The following IGF1 variants were observed in gnomAD, a reference collection of about 807,000 sequenced individuals.
IGF1 encodes insulin like growth factor 1, also known as insulin-like growth factor 1.
IGF1 carries 4 observed loss-of-function variants against 13.8 expected under a neutral mutation model. That is an observed-to-expected ratio of 0.29 (90% confidence interval 0.14 to 0.66). IGF1 has a LOEUF of 0.66. IGF1 is among the 30% of genes least tolerant of loss of function. The pLI, the probability that IGF1 is intolerant of heterozygous loss-of-function variation, is 0.78. For missense variants in IGF1, 124 were observed against 188.5 expected (o/e 0.66, Z 2.00); for synonymous variants, 76 against 72.6 (o/e 1.05, Z -0.23).
chr12:102,453,619 C>G (rs547947868), intron 2 of IGF1, among the ~76,000 whole-genome samples: 2 of 152,258 alleles, frequency 1.3e-5, no homozygotes, highest in Non-Finnish European at 2.9e-5. Context: ...AGATAAGTTT[C>G]TCTTATGATG....
intron 2 of IGF1, among the ~76,000 whole-genome samples, chr12:102,459,965 T>G (rs944365643): frequency 1.3e-5 from 2 of 152,156 alleles, no homozygotes; most frequent in Admixed American, 1.3e-4. Flanking sequence ...AGATCTTGCA[T>G]ATTTGGAGCA....
chr12:102,458,791 C>G (rs2137189431), intron 2 of IGF1, among the ~76,000 whole-genome samples: 1 of 145,716 alleles, frequency 6.9e-6, no homozygotes, highest in East Asian at 2.1e-4. Flanking sequence ...GCTTCTCTCT[C>G]TCAGAGGAAA....
chr12:102,402,406 A>G lies in IGF1; in HGVS notation c.*101T>C, dbSNP rs1873756969. On this transcript the variant is annotated 3_prime_UTR_variant, in exon 4 of 4. Coordinates refer to ENST00000337514, the MANE Select transcript of IGF1 (RefSeq NM_000618.5). The stretch of plus-strand genomic sequence containing the variant: ...AACGCCCATCTTTTAAATGTTATCA[A>G]ACTTATTTTTTGGTAGGTGTTCCAA... 1.3e-6 allele frequency: 1 copy of G among 777,782 alleles called. No individual in the cohort carries two copies. Among genetic ancestry groups the G allele is most frequent in the South Asian group, 1.3e-5 (1 of 74,204 alleles). 48.2% of individuals were successfully genotyped at this position (777,782 alleles called of 1,614,324 possible).
intron 2 of IGF1, among the ~76,000 whole-genome samples, chr12:102,437,750 A>C (rs1877370788): frequency 6.6e-6 from 1 of 152,232 alleles, no homozygotes; most frequent in South Asian, 2.1e-4. Flanking sequence ...GTATATTTCA[A>C]AATAGCTAAA....
rs1054346238 is a variant in IGF1, at chr12:102,435,095, A to G, written c.221-15405T>C. Among the ~76,000 whole-genome samples the G allele has an allele frequency of 6.6e-5, 10 of 152,354 alleles. 1 individual carries two copies. In the South Asian group the frequency reaches 2.1e-3, roughly 32 times the overall value. On this transcript the variant is annotated intron_variant, in intron 2 of 3. Coordinates refer to ENST00000337514, the MANE Select transcript of IGF1 (RefSeq NM_000618.5). Reference sequence around the variant, plus strand: ...TAGAATTTACATTATATTAGATGTTATAAGTGATCCAGAGATGATTTTAAA... The same window carrying G: ...TAGAATTTACATTATATTAGATGTTGTAAGTGATCCAGAGATGATTTTAAA...
chr12:102,440,231 G>T (rs1265698108), intron 2 of IGF1, among the ~76,000 whole-genome samples: 1 of 152,188 alleles, frequency 6.6e-6, no homozygotes. Flanking sequence ...GAAGGAAACT[G>T]GTTGTGTTGC....
intron 2 of IGF1, among the ~76,000 whole-genome samples, chr12:102,434,090 G>T (rs1876987052): frequency 6.6e-6 from 1 of 150,928 alleles, no homozygotes; most frequent in African/African-American, 2.4e-5. Context: ...CAAATTTTTT[G>T]ATTTCACTTG....
chr12:102,417,365 T>G (rs1282436434), intron 3 of IGF1: 1 of 234,242 alleles, frequency 4.3e-6, no homozygotes, highest in Non-Finnish European at 7.0e-6. Flanking sequence ...ATCTGGGAAC[T>G]TCTATGACAC....
chr12:102,432,896 A>G (rs540742268), intron 2 of IGF1, among the ~76,000 whole-genome samples: 89 of 152,342 alleles, frequency 5.8e-4, no homozygotes, highest in Non-Finnish European at 8.8e-5. Context: ...AAACAAATAA[A>G]TAAAAATAAA....
intron 2 of IGF1, among the ~76,000 whole-genome samples, chr12:102,445,253 G>T (rs765665241): frequency 5.9e-5 from 9 of 152,150 alleles, no homozygotes; most frequent in East Asian, 1.9e-4. Flanking sequence ...ATTTAAAGTG[G>T]TTTTTTCTAA....
At chr12:102,441,909 T>TGCTGCTGCTG (rs1444900609) in intron 2 of IGF1, among the ~76,000 whole-genome samples, 7 of 19,706 alleles carry the variant, frequency 3.6e-4, no homozygotes, top group South Asian at 1.2e-3. Context: ...TTACACTGCT[T>TGCTGCTGCTG]CTTCTCCTTC....
intron 2 of IGF1, among the ~76,000 whole-genome samples, chr12:102,469,155 A>G (rs1370751062): frequency 6.6e-6 from 1 of 152,178 alleles, no homozygotes; most frequent in Non-Finnish European, 1.5e-5. Context: ...CATCCCAACC[A>G]CTGGCTGCTC....
intron 3 of IGF1, among the ~76,000 whole-genome samples, chr12:102,403,697 G>A (rs1370548361): frequency 7.0e-6 from 1 of 143,222 alleles, no homozygotes; most frequent in Non-Finnish European, 1.5e-5. Flanking sequence ...TCTTCAACTA[G>A]TGGGCTCAGG....
rs767410581 is a variant in IGF1, at chr12:102,419,661, G to A, written c.250C>T (p.Arg84Trp). 1 of 1,613,022 alleles carries A rather than the reference G, an allele frequency of 6.2e-7. No homozygotes were observed. The highest frequency in any genetic ancestry group is 8.5e-7 in the Non-Finnish European group (1 of 1,180,000). The change falls in exon 3 of 4, where the codon CGG becomes TGG. Residue 84 changes from arginine to tryptophan, a missense_variant. Arg to Trp is a moderately radical substitution (Grantham distance 101). This residue lies in a region of IGF1 where 99 missense variants were observed against 171.4 expected (regional missense o/e 0.58). Coordinates refer to ENST00000337514, the MANE Select transcript of IGF1 (RefSeq NM_000618.5). ...NKPTGYGSSS[R>W]RAPQTGIVDE... ...ACGATGCCTGTCTGAGGCGCCCTCC[G>A]ACTGCTGGAGCCATACCCTGTGGGC...
At chr12:102,470,688 G>A (rs1880633249) in intron 2 of IGF1, among the ~76,000 whole-genome samples, 1 of 152,118 alleles carries the variant, frequency 6.6e-6, no homozygotes, top group East Asian at 1.9e-4. Context: ...GGCAGTCTAA[G>A]GGGTACCAAT....
intron 2 of IGF1, among the ~76,000 whole-genome samples, chr12:102,464,310 CT>C (rs5742625): frequency 0.21 from 32,179 of 151,252 alleles, 3,514 homozygotes; most frequent in African/African-American, 0.23. Flanking sequence ...GACTTGTTGA[CT>C]TTTTTCTCCT....
chr12:102,479,231 A>AG (rs1881257305), intron 1 of IGF1, among the ~76,000 whole-genome samples: 1 of 152,184 alleles, frequency 6.6e-6, no homozygotes, highest in Non-Finnish European at 1.5e-5. Flanking sequence ...GTGCCTGACA[A>AG]GGGTGTATCT....
Position 102,398,388 on chromosome 12 carries a change from C to T in IGF1, c.*4119G>A, listed in dbSNP as rs959051845. On this transcript the variant is annotated 3_prime_UTR_variant, in exon 4 of 4. Coordinates refer to ENST00000337514, the MANE Select transcript of IGF1 (RefSeq NM_000618.5). ...AATCTATGTATTTTTTCTCTTTGTT[C>T]TTATTTTCTCCACTTGCTGAATATC... The T allele has an allele frequency of 2.6e-5, 4 of 152,204 alleles. No homozygotes were observed. The highest frequency in any genetic ancestry group is 6.6e-5 in the Admixed American group (1 of 15,266). 9.4% of individuals were successfully genotyped at this position (152,204 alleles called of 1,614,324 possible).
intron 3 of IGF1, chr12:102,417,680 T>A: frequency 6.7e-7 from 1 of 1,483,034 alleles, no homozygotes; most frequent in Non-Finnish European, 8.9e-7. Context: ...AAAGGTTACT[T>A]CTATTTCCAT....
Sources: allele counts gnomAD v4.1 joint callset (sites outside exome capture counted in the v4.1 genomes callset), GRCh38; gene constraint gnomAD v4.1.1; regional missense constraint gnomAD v4.1.1; transcripts MANE v1.5; gene names NCBI Gene and HGNC (gene_info 2026-07-23, HGNC 2026-07-21).